RBFOX1: variants seen among roughly 807,000 people sequenced by gnomAD.
The protein encoded by RBFOX1 is RNA binding fox-1 homolog 1, also known as RNA binding protein fox-1 homolog 1.
In RBFOX1, 8 loss-of-function variants were observed where a neutral mutation model predicts 57.7. That is an observed-to-expected ratio of 0.14 (90% CI 0.08 to 0.25). The LOEUF is 0.25. RBFOX1 is among the 10% of genes least tolerant of loss of function. RBFOX1 has a pLI of 1.00. For synonymous variants in RBFOX1, 326 were observed against 222.4 expected, an observed-to-expected ratio of 1.47 and a Z score of -4.15; for missense variants, 611 against 548.5, an observed-to-expected ratio of 1.11 and a Z score of -1.14.
intron 4 of RBFOX1, among the ~76,000 whole-genome samples, chr16:7,499,323 T>C (rs1454307686): frequency 3.3e-5 from 5 of 152,184 alleles, no homozygotes; most frequent in Admixed American, 2.6e-4. Context: ...TTTCCCATTT[T>C]ATAAGACACA....
At chr16:7,595,031 AT>A (rs1468027166) in intron 7 of RBFOX1, among the ~76,000 whole-genome samples, 2 of 152,190 alleles carry the variant, frequency 1.3e-5, no homozygotes, top group Non-Finnish European at 2.9e-5. Flanking sequence ...GAACTGACAA[AT>A]TTGAATAACC....
intron 1 of RBFOX1, among the ~76,000 whole-genome samples, chr16:6,282,502 G>T (rs940803222): frequency 6.6e-5 from 10 of 151,780 alleles, no homozygotes. Context: ...AGCCCTGCAT[G>T]CATTAGGTAT....
intron 1 of RBFOX1, among the ~76,000 whole-genome samples, chr16:6,184,932 A>G (rs189595366): frequency 6.6e-6 from 1 of 152,282 alleles, no homozygotes; most frequent in African/African-American, 2.4e-5. Context: ...GGATTGCAAG[A>G]GAAGCAGCTG....
intron 1 of RBFOX1, among the ~76,000 whole-genome samples, chr16:5,398,079 T>A (rs1443991303): frequency 6.6e-6 from 1 of 151,918 alleles, no homozygotes; most frequent in Admixed American, 6.6e-5. Flanking sequence ...CTGTGAGAGG[T>A]TATAACTGAG....
chr16:5,523,335 G>A (rs372425467), intron 2 of RBFOX1, among the ~76,000 whole-genome samples: 1 of 151,774 alleles, frequency 6.6e-6, no homozygotes, highest in Admixed American at 6.6e-5. Flanking sequence ...CCAATTTCCA[G>A]CTGGGCGCGG....
At chr16:6,438,126 T>C (rs1388792510) in intron 2 of RBFOX1, among the ~76,000 whole-genome samples, 1 of 152,218 alleles carries the variant, frequency 6.6e-6, no homozygotes, top group Non-Finnish European at 1.5e-5. Flanking sequence ...ATTTATGCTG[T>C]CCATATCGGT....
chr16:6,882,761 C>G (rs1344705315), intron 3 of RBFOX1, among the ~76,000 whole-genome samples: 2 of 152,158 alleles, frequency 1.3e-5, no homozygotes, highest in African/African-American at 4.8e-5. Flanking sequence ...CCTTACCAAG[C>G]CAGAAACGCA....
intron 2 of RBFOX1, among the ~76,000 whole-genome samples, chr16:6,618,021 C>A (rs968414084): frequency 2.0e-5 from 3 of 152,130 alleles, no homozygotes; most frequent in Non-Finnish European, 4.4e-5. Flanking sequence ...GCAAATACCT[C>A]CTCATATGCA....
chr16:6,589,002 T>C (rs2097671703), intron 2 of RBFOX1, among the ~76,000 whole-genome samples: 1 of 152,194 alleles, frequency 6.6e-6, no homozygotes, highest in Non-Finnish European at 1.5e-5. Context: ...CTATCCTTTT[T>C]TCCATCATCC....
At chr16:6,955,368 A>ACACACACT (rs1167795377) in intron 3 of RBFOX1, among the ~76,000 whole-genome samples, 1 of 149,406 alleles carries the variant, frequency 6.7e-6, no homozygotes, top group East Asian at 2.0e-4. Context: ...ACACACACAC[A>ACACACACT]CACACGTGCA....
At chr16:7,376,105 T>C (rs138884275) in intron 4 of RBFOX1, among the ~76,000 whole-genome samples, 5 of 152,338 alleles carry the variant, frequency 3.3e-5, no homozygotes, top group African/African-American at 1.2e-4. Context: ...AAGGCACTTT[T>C]CTAAAACAAC....
intron 2 of RBFOX1, among the ~76,000 whole-genome samples, chr16:6,369,799 G>C (rs1600206891): frequency 6.6e-6 from 1 of 152,146 alleles, no homozygotes; most frequent in Non-Finnish European, 1.5e-5. Context: ...GAATACTTCA[G>C]TGTGTTCCTA....
chr16:6,205,734 G>T (rs995848981), intron 1 of RBFOX1, among the ~76,000 whole-genome samples: 5 of 151,924 alleles, frequency 3.3e-5, no homozygotes, highest in African/African-American at 1.2e-4. Context: ...AATGGAAAGT[G>T]GTGTGTTTGG....
chr16:6,601,777 C>G (rs1210487555), intron 2 of RBFOX1, among the ~76,000 whole-genome samples: 1 of 152,142 alleles, frequency 6.6e-6, no homozygotes, highest in Non-Finnish European at 1.5e-5. Context: ...CTGAGTTTAA[C>G]CAAAGCAAAC....
At chr16:7,123,919 G>C (rs893525149) in intron 4 of RBFOX1, among the ~76,000 whole-genome samples, 4 of 152,140 alleles carry the variant, frequency 2.6e-5, no homozygotes, top group Non-Finnish European at 5.9e-5. Context: ...AGAAAGGAGA[G>C]AGGGAAAGTG....
chr16:5,881,955 A>C (rs2057774790), intron 4 of RBFOX1, among the ~76,000 whole-genome samples: 2 of 152,232 alleles, frequency 1.3e-5, no homozygotes, highest in Non-Finnish European at 2.9e-5. Context: ...AGCAGCTACG[A>C]CTTGTTAAGC....
chr16:5,918,255 G>C (rs540718477), intron 4 of RBFOX1, among the ~76,000 whole-genome samples: 1 of 152,272 alleles, frequency 6.6e-6, no homozygotes, highest in East Asian at 1.9e-4. Context: ...GAGTAGCTGG[G>C]ACTACAGGCA....
intron 1 of RBFOX1, among the ~76,000 whole-genome samples, chr16:6,209,456 G>A (rs1301508118): frequency 1.3e-5 from 2 of 152,218 alleles, no homozygotes; most frequent in Non-Finnish European, 2.9e-5. Flanking sequence ...AGTTGAGGTT[G>A]AGCTTAATGC....
intron 4 of RBFOX1, among the ~76,000 whole-genome samples, chr16:7,340,926 T>A (rs2096878970): frequency 2.0e-5 from 3 of 152,196 alleles, no homozygotes; most frequent in African/African-American, 7.2e-5. Context: ...TCAGCAACTA[T>A]GCTTTTTATA....
Sources: allele counts gnomAD v4.1 joint callset (sites outside exome capture counted in the v4.1 genomes callset), GRCh38; gene constraint gnomAD v4.1.1; transcripts MANE v1.5; gene names NCBI Gene and HGNC (gene_info 2026-07-23, HGNC 2026-07-21).